ARFGAP2: variants seen among roughly 807,000 people sequenced by gnomAD.
ARFGAP2 encodes the protein ARF GTPase activating protein 2.
A neutral mutation model predicts 71.9 loss-of-function variants in ARFGAP2; 45 were observed. That is an observed-to-expected ratio of 0.63 (90% confidence interval 0.49 to 0.80). The LOEUF is 0.80. Ranked by LOEUF, ARFGAP2 falls within the 30% of genes least tolerant of loss-of-function variation. The probability of loss-of-function intolerance (pLI) is 0.00; values close to 1 mark genes in which losing one functional copy is unlikely to be tolerated. For synonymous variants in ARFGAP2, 248 were observed against 249.2 expected, an observed-to-expected ratio of 1.00 and a Z score of 0.05; for missense variants, 633 against 673.9, an observed-to-expected ratio of 0.94 and a Z score of 0.67.
Position 47,168,123 on chromosome 11 carries a change from T to C in ARFGAP2, c.1070A>G (p.Lys357Arg). Residue 357 changes from lysine to arginine, a missense_variant and splice_region_variant, in exon 11 of 16, where the codon AAG becomes AGG. Lys to Arg is a conservative substitution (Grantham distance 26). Transcript: ENST00000524782. ...DVGTFASGPP[K>R]YKDNPFSLGE... ...GTTTACAGCTAGAAAACAGCCTTAC[T>C]TTGGGGGTCCAGAGGCGAAAGTACC... 6.2e-7 allele frequency: 1 copy of C among 1,614,190 alleles called. No homozygotes were observed. The highest frequency in any genetic ancestry group is 8.5e-7 in the Non-Finnish European group (1 of 1,180,024).
intron 2 of ARFGAP2, chr11:47,176,309 G>C: frequency 1.7e-6 from 1 of 603,842 alleles, no homozygotes; most frequent in East Asian, 2.8e-5. Flanking sequence ...AAAAGAGGAA[G>C]TTTTGGCCCA....
Position 47,173,854 on chromosome 11 carries a change from C to T in ARFGAP2, c.481-14G>A. ...CCAGGCAGGGGGCTGAAAAGGAGGC[C>T]AGATCACAGATGCCTCGGTGAGCCA... On this transcript the variant is annotated splice_polypyrimidine_tract_variant and intron_variant, in intron 5 of 15. Transcript: ENST00000524782. 6.3e-7 allele frequency: 1 copy of T among 1,587,790 alleles called. No individual in the cohort carries two copies. The highest frequency in any genetic ancestry group is 8.6e-7 in the Non-Finnish European group (1 of 1,167,390).
Position 47,176,774 on chromosome 11 carries a change from T to C in ARFGAP2, c.72+8A>G, listed in dbSNP as rs756616016. 8.1e-5 allele frequency: 131 copies of C among 1,613,942 alleles called. No homozygotes were observed. Among genetic ancestry groups the C allele is most frequent in the Non-Finnish European group, 1.0e-4 (118 of 1,180,020 alleles). ...ACGAGAGACTCCGCGCGCCCCCTGC[T>C]CACGCACCTTGTTGGTTGGAACTGC... On this transcript the variant is annotated splice_region_variant and intron_variant, in intron 1 of 15. Transcript: ENST00000524782.
In ARFGAP2 at chr11:47,176,767, C is replaced by A. The variant is rs759580011; in HGVS notation, c.72+15G>T. On this transcript the variant is annotated intron_variant, in intron 1 of 15. Coordinates refer to ENST00000524782, the MANE Select transcript of ARFGAP2 (RefSeq NM_032389.6). ...CAGCGGGACGAGAGACTCCGCGCGC[C>A]CCCTGCTCACGCACCTTGTTGGTTG... 3.1e-6 allele frequency: 5 copies of A among 1,613,968 alleles called. No homozygotes were observed. The African/African-American group carries it at 6.7e-5, about 22-fold the overall frequency.
chr11:47,169,849 G>A (rs891141297), intron 10 of ARFGAP2, among the ~76,000 whole-genome samples: 2 of 152,000 alleles, frequency 1.3e-5, no homozygotes, highest in African/African-American at 4.8e-5. Context: ...AGGGTGAGTT[G>A]GGTTTAAGTA....
Position 47,176,503 on chromosome 11 carries a change from G to A in ARFGAP2, c.191+13C>T. 3 of 1,611,346 alleles carry A rather than the reference G, an allele frequency of 1.9e-6. No homozygotes were observed. The highest frequency in any genetic ancestry group is 1.1e-5 in the South Asian group (1 of 91,004). Reference sequence around the variant, plus strand: ...GGCCGGGTGGAAACACGGCAACCGCGCGGAGAGCCTACCTGATGAAGCTCA... The same window carrying A: ...GGCCGGGTGGAAACACGGCAACCGCACGGAGAGCCTACCTGATGAAGCTCA... On this transcript the variant is annotated intron_variant, in intron 2 of 15. Transcript: ENST00000524782.
intron 3 of ARFGAP2, 138 bp from the exon 4 acceptor site, chr11:47,175,451 C>T (rs1216591000): frequency 7.3e-7 from 1 of 1,367,902 alleles, no homozygotes; most frequent in Non-Finnish European, 1.0e-6. Flanking sequence ...ACCGGTTTTT[C>T]AGAGATAAAG....
chr11:47,172,377 C>CA, intron 7 of ARFGAP2, 44 bp from the exon 8 acceptor site: 4 of 1,605,586 alleles, frequency 2.5e-6, no homozygotes, highest in Non-Finnish European at 3.4e-6. Flanking sequence ...AAAGGCAGCT[C>CA]AGAGGCAGTA....
chr11:47,175,465 C>T (rs1952769436), intron 3 of ARFGAP2, 152 bp from the exon 4 acceptor site: 4 of 1,261,148 alleles, frequency 3.2e-6, no homozygotes, highest in East Asian at 2.5e-5. Context: ...GATAAAGTTT[C>T]TCGAAATTCC....
chr11:47,174,797 T>G, intron 5 of ARFGAP2: 7 of 560,850 alleles, frequency 1.2e-5, no homozygotes, highest in Middle Eastern at 5.1e-4. Flanking sequence ...GCCAGCCCAA[T>G]TTATAGGAGT....
rs769991247 is a variant in ARFGAP2 at position 47,166,936 on chromosome 11, G to A, written c.1206-50C>T. 8 of 1,590,608 alleles carry A rather than the reference G, an allele frequency of 5.0e-6. No homozygotes were observed. In the Admixed American group the frequency reaches 1.3e-4, roughly 27 times the overall value. ...CGGACTCCTCCCATTATCATCAGGGGAGGCAGAGTACAGAGGCCAAACAGA... is the reference window on the plus strand; with the variant it reads ...CGGACTCCTCCCATTATCATCAGGGAAGGCAGAGTACAGAGGCCAAACAGA... On this transcript the variant is annotated intron_variant, in intron 12 of 15. Transcript: ENST00000524782.
chr11:47,172,698 G>C (rs957533219), intron 7 of ARFGAP2: 1 of 1,306,286 alleles, frequency 7.7e-7, no homozygotes, highest in Admixed American at 2.3e-5. Flanking sequence ...TCCCCAAGCA[G>C]CTGTCAGTTA....
rs774895665 is a variant in ARFGAP2 at position 47,175,117 on chromosome 11, C to G, written c.397-19G>C. Reference sequence around the variant, plus strand: ...TCCAAAGCTAGAAAGGAGAAGACACCCCTAAAACACAGGGCTCTGAATACT... The same window carrying G: ...TCCAAAGCTAGAAAGGAGAAGACACGCCTAAAACACAGGGCTCTGAATACT... On this transcript the variant is annotated intron_variant, in intron 4 of 15. Coordinates refer to ENST00000524782, the MANE Select transcript of ARFGAP2 (RefSeq NM_032389.6). 2 of 1,614,072 alleles carry G rather than the reference C, an allele frequency of 1.2e-6. No homozygotes were observed. Among genetic ancestry groups the G allele is most frequent in the Non-Finnish European group, 1.7e-6 (2 of 1,180,022 alleles).
At chr11:47,172,801 C>CCA in intron 7 of ARFGAP2, 1 of 1,285,528 alleles carries the variant, frequency 7.8e-7, no homozygotes, top group Non-Finnish European at 1.0e-6. Flanking sequence ...CCCAGAGCCT[C>CCA]CACAGAGCTC....
chr11:47,166,190 G>C (rs1301331710), intron 15 of ARFGAP2, 78 bp downstream of exon 15: 1 of 1,435,188 alleles, frequency 7.0e-7, no homozygotes, highest in African/African-American at 1.4e-5. Context: ...CAGAGGGGCT[G>C]AGCAGTAGCA....
intron 12 of ARFGAP2, 143 bp downstream of exon 12, chr11:47,167,763 ATAG>A: frequency 2.0e-6 from 2 of 1,021,718 alleles, no homozygotes; most frequent in Non-Finnish European, 2.8e-6. Flanking sequence ...TCATAGCCAC[ATAG>A]TAGTGGCTAC....
intron 8 of ARFGAP2, 180 bp from the exon 9 acceptor site, chr11:47,171,980 C>T (rs1456753118): frequency 2.1e-6 from 2 of 968,730 alleles, no homozygotes; most frequent in Non-Finnish European, 3.0e-6. Flanking sequence ...GCATGGGCGG[C>T]TCACACAGCC....
At position 47,168,320 on chromosome 11, in the gene ARFGAP2, T is replaced by C. The variant is rs140609342; in HGVS notation, c.942-69A>G. 3.4e-4 allele frequency: 543 copies of C among 1,598,800 alleles called. 1 individual carries two copies. The African/African-American group carries it at 6.8e-3, about 20-fold the overall frequency. The stretch of plus-strand genomic sequence containing the variant: ...ATCAGCATCACCGCACAAGAGACAA[T>C]GCCCAGCAACTGGGTTCTCCTTCAC... On this transcript the variant is annotated intron_variant, in intron 10 of 15. Coordinates refer to ENST00000524782, the MANE Select transcript of ARFGAP2 (RefSeq NM_032389.6).
chr11:47,174,241 G>T (rs141947305), intron 5 of ARFGAP2, among the ~76,000 whole-genome samples: 296 of 152,274 alleles, frequency 1.9e-3, no homozygotes, highest in African/African-American at 7.0e-3. Flanking sequence ...ACAGGAATGC[G>T]GAGTAGAGAA....
Sources: allele counts gnomAD v4.1 joint callset (sites outside exome capture counted in the v4.1 genomes callset), GRCh38; gene constraint gnomAD v4.1.1; transcripts MANE v1.5; gene names NCBI Gene and HGNC (gene_info 2026-07-23, HGNC 2026-07-21).